The following PCSK6 variants were observed in gnomAD, a reference collection of about 807,000 sequenced individuals.
PCSK6 encodes the protein paired basic amino acid cleaving enzyme 4.
In PCSK6, 85 loss-of-function variants were observed where a neutral mutation model predicts 123.3. The observed-to-expected ratio is 0.69, with a 90% CI of 0.58 to 0.83. The LOEUF (loss-of-function observed/expected upper bound fraction) is 0.83. PCSK6 is among the 40% of genes least tolerant of loss of function. The probability of loss-of-function intolerance (pLI) is 0.00; values close to 1 mark genes in which losing one functional copy is unlikely to be tolerated. For missense variants in PCSK6, 1,191 were observed against 1,282.3 expected (o/e 0.93, Z 1.09); for synonymous variants, 508 against 516.0 (o/e 0.98, Z 0.21).
intron 13 of PCSK6, chr15:101,346,354 A>G (rs1341388457): frequency 6.6e-6 from 1 of 152,500 alleles, no homozygotes; most frequent in Non-Finnish European, 1.5e-5. Context: ...TTGGTGAAGT[A>G]TTATAAAAAT....
intron 13 of PCSK6, chr15:101,337,011 CTT>C (rs1217392982): frequency 4.1e-5 from 6 of 144,862 alleles, no homozygotes; most frequent in East Asian, 2.0e-4. Context: ...CTCTCTCTCT[CTT>C]TTTTTTTTTT....
chr15:101,436,610 G>A (rs74032883), intron 2 of PCSK6, among the ~76,000 whole-genome samples: 2,223 of 152,300 alleles, frequency 0.015, 47 homozygotes, highest in African/African-American at 0.048. Context: ...TCCTCCAGGA[G>A]AGAACAATCA....
At position 101,317,985 on chromosome 15, in the gene PCSK6, A is replaced by C. The variant is rs575674204; in HGVS notation, c.2569+334T>G. On this transcript the variant is annotated intron_variant, in intron 19 of 21. Transcript: ENST00000611716. ...AGTGCTGGGGTTATAGGCATGAGCC[A>C]CTGCAATGTACATAAAATCTACCAT... Among the ~76,000 whole-genome samples the C allele has an allele frequency of 2.6e-5, 4 of 152,326 alleles. No individual in the cohort carries two copies. In the East Asian group the frequency reaches 7.7e-4, roughly 29 times the overall value.
At chr15:101,386,157 C>T (rs746814294) in intron 9 of PCSK6, among the ~76,000 whole-genome samples, 8 of 152,042 alleles carry the variant, frequency 5.3e-5, no homozygotes, top group African/African-American at 9.7e-5. Flanking sequence ...GAACGCACGC[C>T]GCGCCACAGG....
At chr15:101,411,872 G>T (rs880453) in intron 6 of PCSK6, among the ~76,000 whole-genome samples, 42,719 of 152,054 alleles carry the variant, frequency 0.28, 6,486 homozygotes, top group African/African-American at 0.41. Flanking sequence ...CCACTTGCAT[G>T]GTGCCAGCAG....
At chr15:101,371,164 A>G (rs1025213406) in intron 11 of PCSK6, among the ~76,000 whole-genome samples, 4 of 152,296 alleles carry the variant, frequency 2.6e-5, no homozygotes, top group African/African-American at 7.2e-5. Flanking sequence ...CCGAGGTCGC[A>G]CCACTGCACT....
intron 9 of PCSK6, among the ~76,000 whole-genome samples, chr15:101,387,981 A>T (rs1160353111): frequency 6.6e-6 from 1 of 152,218 alleles, no homozygotes; most frequent in African/African-American, 2.4e-5. Context: ...TCTGAGGAGG[A>T]GCTAACATGA....
intron 13 of PCSK6, 112 bp from the exon 14 acceptor site, chr15:101,332,143 C>G: frequency 1.1e-6 from 1 of 931,586 alleles, no homozygotes; most frequent in Non-Finnish European, 1.6e-6. Flanking sequence ...CTCTGGCCTG[C>G]TACCTTCACT....
intron 11 of PCSK6, among the ~76,000 whole-genome samples, chr15:101,378,899 G>A (rs744151): frequency 0.15 from 22,425 of 152,268 alleles, 1,743 homozygotes; most frequent in East Asian, 0.24. Context: ...AGGGGACTGT[G>A]TCTGGTGGGT....
intron 6 of PCSK6, among the ~76,000 whole-genome samples, chr15:101,399,708 T>G (rs913414066): frequency 5.3e-5 from 8 of 152,010 alleles, no homozygotes; most frequent in African/African-American, 1.9e-4. Flanking sequence ...ATGGACACAC[T>G]CTTCCTGGAT....
intron 11 of PCSK6, among the ~76,000 whole-genome samples, chr15:101,378,891 G>A (rs530805853): frequency 1.3e-5 from 2 of 152,352 alleles, no homozygotes; most frequent in Admixed American, 1.3e-4. Flanking sequence ...CCTCCTGAAG[G>A]GGACTGTGTC....
intron 6 of PCSK6, among the ~76,000 whole-genome samples, chr15:101,406,270 G>A (rs145592238): frequency 1.7e-4 from 26 of 152,296 alleles, no homozygotes; most frequent in African/African-American, 4.1e-4. Flanking sequence ...CCTCCTGCCC[G>A]GGGGGATAAC....
intron 11 of PCSK6, among the ~76,000 whole-genome samples, chr15:101,376,057 A>G (rs2041730842): frequency 1.3e-5 from 2 of 152,086 alleles, no homozygotes; most frequent in Admixed American, 1.3e-4. Context: ...TGTCTGTTTC[A>G]CAGTGTATTT....
At chr15:101,357,865 G>A (rs753476590) in intron 13 of PCSK6, among the ~76,000 whole-genome samples, 5 of 152,110 alleles carry the variant, frequency 3.3e-5, no homozygotes, top group Admixed American at 6.5e-5. Context: ...CTCAATGCCC[G>A]TCCACTGCAG....
rs57613156 is a variant in PCSK6, at chr15:101,316,910, G to GTTTT, written c.2569+1405_2569+1408dup. Among the ~76,000 whole-genome samples the GTTTT allele has an allele frequency of 1.6e-3, 184 of 114,934 alleles. 12 individuals carry two copies. The highest frequency in any genetic ancestry group is 6.2e-3 in the Admixed American group (71 of 11,418). The allele number at this position is 114,934 out of a possible 152,430, so 75.4% of individuals were successfully genotyped here. A position where few individuals can be genotyped will look rare whatever the true frequency, so the allele number is the denominator to read the frequency against. The stretch of plus-strand genomic sequence containing the variant: ...ACTGGTTTAGCAGAGACTTAATTCT[G>GTTTT]TTTTTTTTTTTTTTTTTTTGACAGA... On this transcript the variant is annotated intron_variant, in intron 19 of 21. Transcript: ENST00000611716.
chr15:101,427,904 C>G lies in PCSK6; in HGVS notation c.811G>C (p.Ala271Pro). The G allele has an allele frequency of 6.3e-7, 1 of 1,577,774 alleles. No individual in the cohort carries two copies. The highest frequency in any genetic ancestry group is 1.2e-5 in the South Asian group (1 of 85,806). ...SYCIVGIAYN[A>P]KIGGIRMLDG... ...CGCCCGGCCTTACCTCCTATTTTGGCATTGTACGCTATGCCCACGATGCAG... is the reference window on the plus strand; with the variant it reads ...CGCCCGGCCTTACCTCCTATTTTGGGATTGTACGCTATGCCCACGATGCAG... The change falls in exon 6 of 22, where the codon GCC becomes CCC. Residue 271 changes from alanine (A) to proline (P), a missense_variant. Physicochemically the swap from Ala to Pro is conservative, Grantham distance 27 (BLOSUM62 -1). Transcript: ENST00000611716.
intron 1 of PCSK6, among the ~76,000 whole-genome samples, chr15:101,464,795 G>A (rs184477166): frequency 5.1e-4 from 78 of 152,278 alleles, no homozygotes; most frequent in African/African-American, 1.7e-3. Context: ...GAGGGTCAGC[G>A]TCCTCCTAAA....
In PCSK6 at chr15:101,384,386, C is replaced by A; in HGVS notation, c.1350G>T (p.Val450=). ...TCAGGTGGGCCGGCCGGGATGTCTT[C>A]ACTAGCAGGTGCTGGACGTCCCTCC... The part of the protein sequence containing the change: ...LTWRDVQHLL[V]KTSRPAHLKA... Residue 450 remains valine, a synonymous_variant, in exon 10 of 22, where the codon GTG becomes GTT. Transcript: ENST00000611716. 6.2e-7 allele frequency: 1 copy of A among 1,613,870 alleles called. No individual in the cohort carries two copies.
chr15:101,448,750 C>T (rs561075079), intron 1 of PCSK6, among the ~76,000 whole-genome samples: 4 of 152,328 alleles, frequency 2.6e-5, no homozygotes, highest in East Asian at 1.9e-4. Context: ...TTCTGCCTCT[C>T]GGCATGGTTA....
Sources: gnomAD v4.1 joint callset for allele counts (sites outside exome capture counted in the v4.1 genomes callset) on GRCh38, gnomAD v4.1.1 for gene constraint, MANE v1.5 for transcripts, NCBI Gene and HGNC (gene_info 2026-07-23, HGNC 2026-07-21) for gene names.